The following AVEN variants were observed in gnomAD, a reference collection of about 807,000 sequenced individuals.
The protein encoded by AVEN is cell death regulator Aven.
In AVEN, 41 loss-of-function variants were observed where a neutral mutation model predicts 38.1. The observed-to-expected ratio is 1.08, with a 90% CI of 0.84 to 1.40. AVEN has a LOEUF of 1.40. Ranked by LOEUF, AVEN falls within the 40% of genes most tolerant of loss-of-function variation. The probability of loss-of-function intolerance (pLI) is 0.00; values close to 1 mark genes in which losing one functional copy is unlikely to be tolerated. For missense variants in AVEN, 605 were observed against 438.8 expected, an observed-to-expected ratio of 1.38 and a Z score of -3.38; for synonymous variants, 206 against 171.8, an observed-to-expected ratio of 1.20 and a Z score of -1.56.
chr15:34,019,227 A>G (rs1236965451), intron 1 of AVEN, among the ~76,000 whole-genome samples: 1 of 152,208 alleles, frequency 6.6e-6, no homozygotes, highest in Non-Finnish European at 1.5e-5. Context: ...AGGCTAATGG[A>G]TGTAATTGTT....
Position 33,867,642 on chromosome 15 carries a change from G to A in AVEN, c.826C>T (p.Gln276Ter), listed in dbSNP as rs370382186. Residue 276 changes from glutamine (Q) to a stop codon, truncating the protein, a stop_gained, in exon 5 of 6, where the codon CAG becomes TAG. Transcript: ENST00000306730. LOFTEE classifies it high-confidence loss of function. ...TCTTCCAAATGGTCTCCTGCTGACT[G>A]CAGTGGGGAAGTGGGTTTCTGAGAA... is the stretch of plus-strand genomic sequence containing the variant. Reference protein sequence around the residue: ...RDSQKPTSPLQSAGDHLEEEL... With the variant: ...RDSQKPTSPL The A allele has an allele frequency of 1.2e-6, 2 of 1,614,092 alleles. No homozygotes were observed. Among genetic ancestry groups the A allele is most frequent in the African/African-American group, 1.3e-5 (1 of 74,938 alleles).
intron 1 of AVEN, among the ~76,000 whole-genome samples, chr15:34,017,132 G>A (rs1252173799): frequency 2.0e-5 from 3 of 150,974 alleles, no homozygotes; most frequent in Non-Finnish European, 4.4e-5. Flanking sequence ...TGTCTCAAGG[G>A]GGAAAAAAAA....
chr15:33,906,687 C>T (rs1216149358), intron 2 of AVEN, among the ~76,000 whole-genome samples: 2 of 152,036 alleles, frequency 1.3e-5, no homozygotes, highest in Non-Finnish European at 2.9e-5. Context: ...TAGTCAGACT[C>T]ATAGAGACAG....
chr15:33,969,998 T>A (rs796160546), intron 2 of AVEN, among the ~76,000 whole-genome samples: 1 of 152,008 alleles, frequency 6.6e-6, no homozygotes, highest in South Asian at 2.1e-4. Flanking sequence ...CCCAACCACA[T>A]TGGTTTTCAT....
downstream of AVEN, chr15:33,864,120 A>G (rs1567369538): frequency 6.3e-7 from 1 of 1,597,482 alleles, no homozygotes; most frequent in Admixed American, 1.7e-5. Flanking sequence ...ATCTAATACT[A>G]TCTTTTCCTC....
intron 11 of AVEN, among the ~76,000 whole-genome samples, chr15:33,860,196 C>A (rs1942841172): frequency 6.6e-6 from 1 of 152,170 alleles, no homozygotes; most frequent in Non-Finnish European, 1.5e-5. Flanking sequence ...ACCTGTAAGA[C>A]ATGCAGGTGT....
intron 2 of AVEN, among the ~76,000 whole-genome samples, chr15:33,979,758 T>A (rs920801595): frequency 1.3e-5 from 2 of 152,218 alleles, no homozygotes; most frequent in African/African-American, 4.8e-5. Context: ...TCGTTAGGCA[T>A]CCTCAGGAAT....
intron 5 of AVEN, among the ~76,000 whole-genome samples, chr15:34,057,135 T>C (rs538462188): frequency 2.1e-5 from 1 of 48,692 alleles, no homozygotes; most frequent in African/African-American, 3.5e-5. Flanking sequence ...AGTTTTGGTT[T>C]TTTTTGGTTT....
intron 2 of AVEN, among the ~76,000 whole-genome samples, chr15:33,931,737 T>G (rs539523005): frequency 2.0e-5 from 3 of 152,310 alleles, no homozygotes; most frequent in South Asian, 4.1e-4. Context: ...TTCTCTTATT[T>G]TACTTTTTTT....
chr15:33,961,047 C>A (rs1057504897), intron 2 of AVEN, among the ~76,000 whole-genome samples: 8 of 152,118 alleles, frequency 5.3e-5, no homozygotes, highest in Non-Finnish European at 1.2e-4. Flanking sequence ...GCTGTCCAGG[C>A]TAGAGTGCAC....
chr15:33,933,518 CACACACAGAGAGAGAGAGAGAG>C (rs1330902045), intron 2 of AVEN, among the ~76,000 whole-genome samples: 497 of 114,594 alleles, frequency 4.3e-3, no homozygotes, highest in African/African-American at 0.017. Context: ...CACACACACA[CACACACAGAGAGAGAGAGAGAG>C]AGAGAGAGAG....
intron 2 of AVEN, among the ~76,000 whole-genome samples, chr15:33,933,981 G>A (rs1893969941): frequency 6.6e-6 from 1 of 152,132 alleles, no homozygotes; most frequent in South Asian, 2.1e-4. Context: ...ATACAAAAAC[G>A]ACTGGTTTGA....
At chr15:33,939,142 C>T (rs1334760168) in intron 2 of AVEN, among the ~76,000 whole-genome samples, 2 of 152,082 alleles carry the variant, frequency 1.3e-5, no homozygotes, top group Non-Finnish European at 2.9e-5. Flanking sequence ...CGCCCGGCCA[C>T]ACCTATTTCT....
At chr15:33,857,222 A>C (rs1053790387), downstream of AVEN, among the ~76,000 whole-genome samples, 13 of 123,796 alleles carry the variant, frequency 1.1e-4, no homozygotes, top group East Asian at 7.3e-4. Flanking sequence ...TGGAGGCGGT[A>C]AGTAAGTCCA....
At chr15:33,867,431 G>A in intron 5 of AVEN, 64 bp downstream of exon 5, 1 of 1,527,082 alleles carries the variant, frequency 6.5e-7, no homozygotes, top group South Asian at 1.3e-5. Context: ...ATGTGATGCG[G>A]GCGGGGCTGT....
chr15:33,973,019 A>G (rs913284216), intron 2 of AVEN, among the ~76,000 whole-genome samples: 1 of 152,226 alleles, frequency 6.6e-6, no homozygotes, highest in Non-Finnish European at 1.5e-5. Context: ...GTACTGGTTC[A>G]TTACAACCAA....
chr15:34,039,022 C>T lies in AVEN; in HGVS notation c.25G>A (p.Gly9Arg). 8.9e-7 allele frequency: 1 copy of T among 1,123,164 alleles called. No individual in the cohort carries two copies. The highest frequency in any genetic ancestry group is 1.1e-6 in the Non-Finnish European group (1 of 920,226). 69.6% of individuals were successfully genotyped at this position (1,123,164 alleles called of 1,614,324 possible). MQAERGARGGRGRRPGRGR... is the reference protein window; with the variant it reads MQAERGARRGRGRRPGRGR... Reference sequence around the variant, plus strand: ...CGGCCTGGCCGCCGCCCACGGCCTCCCCGAGCTCCTCGCTCCGCCTGCATC... The same window carrying T: ...CGGCCTGGCCGCCGCCCACGGCCTCTCCGAGCTCCTCGCTCCGCCTGCATC... The change falls in exon 1 of 6, where the codon GGA becomes AGA. Residue 9 changes from glycine to arginine, a missense_variant. Coordinates refer to ENST00000306730, the MANE Select transcript of AVEN (RefSeq NM_020371.3).
intron 3 of AVEN, chr15:34,066,506 T>C (rs1900514643): frequency 6.6e-6 from 1 of 152,144 alleles, no homozygotes. Context: ...TTTTGTGAAA[T>C]TGATTAAGAA....
chr15:33,961,550 ATG>A (rs1895162787), intron 2 of AVEN, among the ~76,000 whole-genome samples: 2 of 150,184 alleles, frequency 1.3e-5, no homozygotes, highest in African/African-American at 2.5e-5. Flanking sequence ...GAGGTGGCTC[ATG>A]CCTGTAATCC....
Sources: allele counts gnomAD v4.1 joint callset (sites outside exome capture counted in the v4.1 genomes callset), GRCh38; gene constraint gnomAD v4.1.1; transcripts MANE v1.5; gene names NCBI Gene and HGNC (gene_info 2026-07-23, HGNC 2026-07-21).